CSMD1: variants seen among roughly 807,000 people sequenced by gnomAD.
The protein encoded by CSMD1 is CUB and sushi domain-containing protein 1.
Under a neutral mutation model 417.5 loss-of-function variants are expected in CSMD1, and 213 were observed. The ratio of observed to expected loss-of-function variants is 0.51; its 90% CI spans 0.46 to 0.57. The LOEUF is 0.57. Among genes scored for constraint, CSMD1 ranks in the 20% least tolerant of loss-of-function variants. The probability of loss-of-function intolerance (pLI) is 0.00; values close to 1 mark genes in which losing one functional copy is unlikely to be tolerated. For missense variants in CSMD1, 6,923 were observed against 4,529.7 expected, an observed-to-expected ratio of 1.53 and a Z score of -15.17; for synonymous variants, 2,862 against 1,736.8, an observed-to-expected ratio of 1.65 and a Z score of -16.11.
At chr8:3,718,630 G>C (rs557122863) in intron 6 of CSMD1, among the ~76,000 whole-genome samples, 2 of 152,236 alleles carry the variant, frequency 1.3e-5, no homozygotes, top group South Asian at 4.2e-4. Flanking sequence ...ATGAATCATT[G>C]TGTCAAGGTA....
chr8:4,174,571 C>G (rs752719236), intron 3 of CSMD1, among the ~76,000 whole-genome samples: 4 of 150,412 alleles, frequency 2.7e-5, no homozygotes, highest in African/African-American at 7.4e-5. Flanking sequence ...ATACTGCATG[C>G]ACTCTGGCTG....
chr8:4,506,529 G>T (rs976807338), intron 2 of CSMD1, among the ~76,000 whole-genome samples: 2 of 152,122 alleles, frequency 1.3e-5, no homozygotes, highest in Non-Finnish European at 2.9e-5. Context: ...GGTTGGGGAT[G>T]GGAGGACCCA....
intron 5 of CSMD1, among the ~76,000 whole-genome samples, chr8:3,863,306 A>G (rs1804846730): frequency 1.3e-5 from 2 of 151,504 alleles, no homozygotes; most frequent in African/African-American, 4.9e-5. Flanking sequence ...CTGAGGCAGG[A>G]GAATCGCTTG....
chr8:4,038,017 T>G (rs1415963868), intron 3 of CSMD1, among the ~76,000 whole-genome samples: 1 of 152,152 alleles, frequency 6.6e-6, no homozygotes, highest in African/African-American at 2.4e-5. Flanking sequence ...ATTCCCACAC[T>G]TGGTAAAAAG....
chr8:4,956,676 T>G (rs1019084867), intron 1 of CSMD1, among the ~76,000 whole-genome samples: 1 of 152,074 alleles, frequency 6.6e-6, no homozygotes, highest in Non-Finnish European at 1.5e-5. Flanking sequence ...ACAAACAAGT[T>G]GATATTCACT....
Position 3,271,726 on chromosome 8 carries a change from T to A in CSMD1, c.4153+12418A>T, listed in dbSNP as rs577367542. ...TGTGTTTTTTGGCTGCATAAATGTC[T>A]TCTTTTGAGAAGTGTCTGTTCATGT... On this transcript the variant is annotated intron_variant, in intron 26 of 69. Coordinates refer to ENST00000635120, the MANE Select transcript of CSMD1 (RefSeq NM_033225.6). Among the ~76,000 whole-genome samples the A allele has an allele frequency of 8.1e-3, 1,234 of 152,334 alleles. 8 individuals carry two copies. Among genetic ancestry groups the A allele is most frequent in the Middle Eastern group, 0.02 (6 of 294 alleles).
intron 11 of CSMD1, 60 bp downstream of exon 11, chr8:3,493,563 C>G (rs1182623526): frequency 2.9e-6 from 4 of 1,402,802 alleles, no homozygotes; most frequent in Admixed American, 2.0e-5. Context: ...AATCTCATCT[C>G]CACCCACCGT....
At chr8:4,417,590 G>A (rs1309709784) in intron 3 of CSMD1, among the ~76,000 whole-genome samples, 2 of 151,820 alleles carry the variant, frequency 1.3e-5, no homozygotes, top group Admixed American at 1.3e-4. Context: ...TATACGTCTT[G>A]GATTATACAT....
chr8:3,355,517 C>G (rs1451384368), intron 21 of CSMD1, among the ~76,000 whole-genome samples: 1 of 152,120 alleles, frequency 6.6e-6, no homozygotes, highest in Non-Finnish European at 1.5e-5. Context: ...CAGGAATAGG[C>G]ATGGGACTCA....
At chr8:3,352,802 T>G (rs1808504184) in intron 21 of CSMD1, among the ~76,000 whole-genome samples, 1 of 152,178 alleles carries the variant, frequency 6.6e-6, no homozygotes. Context: ...ATCGTGCCAT[T>G]GCACTCTACT....
At chr8:4,791,025 A>C (rs965819761) in intron 1 of CSMD1, among the ~76,000 whole-genome samples, 2 of 152,168 alleles carry the variant, frequency 1.3e-5, no homozygotes, top group Non-Finnish European at 2.9e-5. Context: ...AAAATAAACT[A>C]TCAGGAGAGT....
chr8:4,078,098 T>C (rs902276963), intron 3 of CSMD1, among the ~76,000 whole-genome samples: 5 of 152,054 alleles, frequency 3.3e-5, no homozygotes, highest in Non-Finnish European at 5.9e-5. Flanking sequence ...AAGAGAGAAA[T>C]CTTCAAATAA....
chr8:4,642,659 G>C (rs913189438), intron 1 of CSMD1, among the ~76,000 whole-genome samples: 16 of 152,182 alleles, frequency 1.1e-4, no homozygotes, highest in African/African-American at 3.6e-4. Flanking sequence ...TTAAAAACTG[G>C]TGTGCCAAAT....
chr8:4,489,695 G>T (rs765335131), intron 2 of CSMD1, among the ~76,000 whole-genome samples: 1 of 152,188 alleles, frequency 6.6e-6, no homozygotes, highest in Non-Finnish European at 1.5e-5. Flanking sequence ...TGGCAGGTGA[G>T]ATTGCAGCAC....
At chr8:4,331,874 T>A (rs571368345) in intron 3 of CSMD1, among the ~76,000 whole-genome samples, 9 of 152,130 alleles carry the variant, frequency 5.9e-5, no homozygotes, top group Non-Finnish European at 1.3e-4. Flanking sequence ...AAATACATAA[T>A]ACATAGCTAG....
At chr8:4,152,197 G>A (rs932231879) in intron 3 of CSMD1, among the ~76,000 whole-genome samples, 2 of 152,064 alleles carry the variant, frequency 1.3e-5, no homozygotes, top group Non-Finnish European at 2.9e-5. Context: ...TTACATCTTT[G>A]GAGAAGAAGG....
At chr8:3,760,597 G>T (rs1797939192) in intron 5 of CSMD1, among the ~76,000 whole-genome samples, 1 of 152,232 alleles carries the variant, frequency 6.6e-6, no homozygotes, top group African/African-American at 2.4e-5. Flanking sequence ...CACTCTGTAT[G>T]TATGACTCAT....
chr8:3,781,230 G>C (rs954269759), intron 5 of CSMD1, among the ~76,000 whole-genome samples: 3 of 152,154 alleles, frequency 2.0e-5, no homozygotes, highest in African/African-American at 7.2e-5. Flanking sequence ...AATTGCACCT[G>C]TTCAATTTTG....
chr8:3,120,782 G>T (rs1191402119), intron 41 of CSMD1, among the ~76,000 whole-genome samples: 3 of 152,038 alleles, frequency 2.0e-5, no homozygotes, highest in Admixed American at 2.0e-4. Flanking sequence ...AGGAGCAGAA[G>T]GTTGCAGTGA....
Sources: gnomAD v4.1 joint callset for allele counts (sites outside exome capture counted in the v4.1 genomes callset) on GRCh38, gnomAD v4.1.1 for gene constraint, MANE v1.5 for transcripts, NCBI Gene and HGNC (gene_info 2026-07-23, HGNC 2026-07-21) for gene names.